Variants in CCNY observed in about 807,000 individuals in gnomAD.
CCNY encodes the protein cyclin Y.
In CCNY, 19 loss-of-function variants were observed where a neutral mutation model predicts 42.8. The observed-to-expected ratio is 0.44, with a 90% CI of 0.31 to 0.65. The LOEUF is 0.65. CCNY is among the 30% of genes least tolerant of loss of function. The pLI is 0.07. For missense variants in CCNY, 370 were observed against 437.3 expected (o/e 0.85, Z 1.37); for synonymous variants, 165 against 162.7 (o/e 1.01, Z -0.11).
chr10:35,284,442 T>G (rs1253676087), intron 3 of CCNY, among the ~76,000 whole-genome samples: 1 of 152,216 alleles, frequency 6.6e-6, no homozygotes, highest in Non-Finnish European at 1.5e-5. Context: ...TTCCTTATAG[T>G]GCCTTTTAAT....
chr10:35,482,670 G>A (rs1839693930), intron 1 of CCNY, among the ~76,000 whole-genome samples: 2 of 151,734 alleles, frequency 1.3e-5, no homozygotes, highest in Non-Finnish European at 2.9e-5. Flanking sequence ...ACAGCTGCTT[G>A]GCTTCAGCCA....
At chr10:35,309,819 A>T (rs763532049) in intron 3 of CCNY, among the ~76,000 whole-genome samples, 1 of 149,998 alleles carries the variant, frequency 6.7e-6, no homozygotes, top group Non-Finnish European at 1.5e-5. Context: ...ATTTATTTAG[A>T]GACAGAGTCT....
intron 3 of CCNY, among the ~76,000 whole-genome samples, chr10:35,262,954 A>C (rs1205372947): frequency 6.6e-6 from 1 of 151,712 alleles, no homozygotes; most frequent in Non-Finnish European, 1.5e-5. Flanking sequence ...GTGGTGGCTC[A>C]TACCTGTAAT....
At chr10:35,503,619 G>A (rs559646810) in intron 3 of CCNY, among the ~76,000 whole-genome samples, 10 of 152,248 alleles carry the variant, frequency 6.6e-5, no homozygotes, top group Admixed American at 1.3e-4. Context: ...AATAATAATC[G>A]GTCCCATCTG....
intron 7 of CCNY, among the ~76,000 whole-genome samples, chr10:35,547,679 C>T (rs879788156): frequency 5.3e-5 from 8 of 152,194 alleles, no homozygotes; most frequent in Non-Finnish European, 1.0e-4. Context: ...TTTCATAGCT[C>T]TTTCAAGAGC....
At chr10:35,406,445 T>C (rs1371709199) in intron 1 of CCNY, among the ~76,000 whole-genome samples, 1 of 151,906 alleles carries the variant, frequency 6.6e-6, no homozygotes, top group Non-Finnish European at 1.5e-5. Context: ...ACGAGCATGC[T>C]GCCTTCAAGC....
chr10:35,465,961 C>CTGTGTGTG (rs68166048), intron 1 of CCNY, among the ~76,000 whole-genome samples: 2 of 94,642 alleles, frequency 2.1e-5, no homozygotes, highest in African/African-American at 8.1e-5. Flanking sequence ...GTGTGTGTGT[C>CTGTGTGTG]TGTGTGTGTG....
chr10:35,557,761 T>TAAAAA lies in CCNY; in HGVS notation c.746+4580_746+4584dup, dbSNP rs566127111. ...ACAGAGCAAGACTCCATTTTATATT[T>TAAAAA]AAAAAAAAGTCAGTATAAATTATTA... On this transcript the variant is annotated intron_variant, in intron 8 of 9. Coordinates refer to ENST00000374704, the MANE Select transcript of CCNY (RefSeq NM_145012.6). Among the ~76,000 whole-genome samples the TAAAAA allele has an allele frequency of 7.5e-3, 1,147 of 152,008 alleles. 13 individuals are homozygous for TAAAAA. Among genetic ancestry groups the TAAAAA allele is most frequent in the African/African-American group, 0.026 (1,096 of 41,452 alleles).
chr10:35,489,608 A>C (rs931476875), intron 2 of CCNY, among the ~76,000 whole-genome samples: 4 of 152,062 alleles, frequency 2.6e-5, no homozygotes, highest in African/African-American at 7.2e-5. Context: ...CATCTATATA[A>C]ATAGATGGAA....
At chr10:35,380,359 C>T (rs755069451) in intron 1 of CCNY, among the ~76,000 whole-genome samples, 2 of 152,184 alleles carry the variant, frequency 1.3e-5, no homozygotes, top group African/African-American at 4.8e-5. Context: ...CTCTCCCACT[C>T]CTGATTTCCA....
At chr10:35,432,925 G>A (rs941980747) in intron 1 of CCNY, among the ~76,000 whole-genome samples, 2 of 152,302 alleles carry the variant, frequency 1.3e-5, no homozygotes, top group East Asian at 1.9e-4. Flanking sequence ...TGTCTGGAAT[G>A]TGGTTAAGAA....
intron 3 of CCNY, among the ~76,000 whole-genome samples, chr10:35,262,322 CATTTTATTTTATTTTATTTTATTTT>C (rs144902785): frequency 4.4e-4 from 49 of 110,430 alleles, no homozygotes; most frequent in African/African-American, 1.5e-3. Context: ...CAACATGAGT[CATTTTATTTTATTTTATTTTATTTT>C]ATTTTATTTT....
intron 7 of CCNY, among the ~76,000 whole-genome samples, chr10:35,541,998 G>A (rs1158536753): frequency 6.7e-6 from 1 of 148,416 alleles, no homozygotes; most frequent in African/African-American, 2.5e-5. Context: ...ATTGTATCTA[G>A]TGGTCATTAC....
intron 3 of CCNY, among the ~76,000 whole-genome samples, chr10:35,307,635 T>C (rs1835622869): frequency 6.6e-6 from 1 of 151,602 alleles, no homozygotes; most frequent in Non-Finnish European, 1.5e-5. Context: ...GCCATTTTCA[T>C]CCTTTCAACA....
chr10:35,488,113 CTG>C (rs1397380378), intron 2 of CCNY, among the ~76,000 whole-genome samples: 2 of 152,176 alleles, frequency 1.3e-5, no homozygotes, highest in African/African-American at 2.4e-5. Flanking sequence ...TTTGCGGAAT[CTG>C]TGTTTCTCAG....
At position 35,367,997 on chromosome 10, in the gene CCNY, C is replaced by T. The variant is rs1038049804; in HGVS notation, c.154+30790C>T. 2.8e-4 allele frequency among the ~76,000 whole-genome samples: 43 copies of T among 152,130 alleles called. 1 individual carries two copies. The highest frequency in any genetic ancestry group is 8.3e-4 in the South Asian group (4 of 4,830). On this transcript the variant is annotated intron_variant, in intron 1 of 9. Coordinates refer to ENST00000374704, the MANE Select transcript of CCNY (RefSeq NM_145012.6). ...CTCATACTTGGAAGTCTGTTAGAAACGAGTTAAAATTCTCTGAAGAATGAC... is the reference window on the plus strand; with the variant it reads ...CTCATACTTGGAAGTCTGTTAGAAATGAGTTAAAATTCTCTGAAGAATGAC...
chr10:35,492,935 C>G (rs542169645), intron 2 of CCNY, among the ~76,000 whole-genome samples: 2 of 152,078 alleles, frequency 1.3e-5, no homozygotes, highest in Non-Finnish European at 2.9e-5. Context: ...TCAGCATGAC[C>G]GTGCCACCCT....
At chr10:35,424,597 C>A (rs925889435) in intron 1 of CCNY, among the ~76,000 whole-genome samples, 2 of 152,194 alleles carry the variant, frequency 1.3e-5, no homozygotes, top group Middle Eastern at 3.2e-3. Context: ...AGAGTATTTT[C>A]TCACTCATCT....
chr10:35,571,318 TA>T lies in CCNY; in HGVS notation c.*2155del, dbSNP rs562607931. ...TTTTGTGGAGTTTATTAAACTACTTTAAAAAAATTGTATAGTCTATTTATTG... is the reference window on the plus strand; with the variant it reads ...TTTTGTGGAGTTTATTAAACTACTTTAAAAAATTGTATAGTCTATTTATTG... On this transcript the variant is annotated 3_prime_UTR_variant, in exon 10 of 10. Coordinates refer to ENST00000374704, the MANE Select transcript of CCNY (RefSeq NM_145012.6). The T allele has an allele frequency of 0.044, 6,690 of 152,402 alleles. 217 individuals carry two copies. The highest frequency in any genetic ancestry group is 0.077 in the South Asian group (371 of 4,828). The allele number at this position is 152,402 out of a possible 1,614,324, so 9.4% of individuals were successfully genotyped here. A position where few individuals can be genotyped will look rare whatever the true frequency, so the allele number is the denominator to read the frequency against.
Sources: allele counts gnomAD v4.1 joint callset (sites outside exome capture counted in the v4.1 genomes callset), GRCh38; gene constraint gnomAD v4.1.1; transcripts MANE v1.5; gene names NCBI Gene and HGNC (gene_info 2026-07-23, HGNC 2026-07-21).